FAM78B: variants seen among roughly 807,000 people sequenced by gnomAD.
FAM78B encodes the protein family with sequence similarity 78 member B, also known as protein FAM78B.
A neutral mutation model predicts 20.0 loss-of-function variants in FAM78B; 10 were observed. That is an observed-to-expected ratio of 0.50 (90% CI 0.31 to 0.85). FAM78B has a LOEUF of 0.85. Ranked by LOEUF, FAM78B falls within the 40% of genes least tolerant of loss-of-function variation. FAM78B has a pLI of 0.05. For missense variants in FAM78B, 283 were observed against 345.0 expected (o/e 0.82, Z 1.42); for synonymous variants, 135 against 132.8 (o/e 1.02, Z -0.12).
chr1:166,126,904 T>C (rs1387637301), intron 1 of FAM78B, among the ~76,000 whole-genome samples: 1 of 152,170 alleles, frequency 6.6e-6, no homozygotes, highest in East Asian at 1.9e-4. Flanking sequence ...CGCTAACACA[T>C]GGAAACCAAG....
At chr1:166,060,767 T>C in intron 2 of FAM78B, 2 of 656,940 alleles carry the variant, frequency 3.0e-6, no homozygotes. Context: ...GCTCCATTAA[T>C]AGATTTCAAG....
intron 1 of FAM78B, among the ~76,000 whole-genome samples, chr1:166,134,878 A>T (rs1193783027): frequency 2.6e-5 from 4 of 152,172 alleles, no homozygotes; most frequent in African/African-American, 9.7e-5. Context: ...AGGAGTAATG[A>T]TTTTCACACA....
chr1:166,088,327 T>C (rs61835093), intron 1 of FAM78B, among the ~76,000 whole-genome samples: 10,518 of 152,232 alleles, frequency 0.069, 443 homozygotes, highest in South Asian at 0.14. Flanking sequence ...AACACCAGTG[T>C]CATCCCTGCA....
Position 166,070,484 on chromosome 1 carries a change from C to T in FAM78B, c.543G>A (p.Lys181=), listed in dbSNP as rs1187098258. The change falls in exon 2 of 2, where the codon AAG becomes AAA. Residue 181 remains lysine, a synonymous_variant. Coordinates refer to ENST00000354422, the MANE Select transcript of FAM78B (RefSeq NM_001017961.5). ...TGATGGTCTGCAGAATGATCTTCTC[C>T]TTTGTGGTGGTGTTCATGGCCACCA... ...TWLVAMNTTT[K]EKIILQTIKW... 1.2e-6 allele frequency: 2 copies of T among 1,614,064 alleles called. No individual in the cohort carries two copies. Among genetic ancestry groups the T allele is most frequent in the African/African-American group, 2.7e-5 (2 of 74,934 alleles).
chr1:166,134,308 AG>A (rs1654990938), intron 1 of FAM78B, among the ~76,000 whole-genome samples: 1 of 149,984 alleles, frequency 6.7e-6, no homozygotes, highest in Admixed American at 6.8e-5. Flanking sequence ...GGGCCTTGGA[AG>A]GCATTTAATC....
At chr1:166,148,201 T>C (rs1655536944) in intron 1 of FAM78B, among the ~76,000 whole-genome samples, 1 of 152,232 alleles carries the variant, frequency 6.6e-6, no homozygotes, top group South Asian at 2.1e-4. Flanking sequence ...TTAAGGAGTG[T>C]CTTATGGCTA....
intron 1 of FAM78B, among the ~76,000 whole-genome samples, chr1:166,136,623 G>C (rs1354578898): frequency 1.3e-5 from 2 of 152,156 alleles, no homozygotes; most frequent in African/African-American, 4.8e-5. Context: ...AGATGAACAA[G>C]TAAATGGAAA....
At chr1:166,150,711 T>C (rs1177026962) in intron 1 of FAM78B, among the ~76,000 whole-genome samples, 2 of 152,132 alleles carry the variant, frequency 1.3e-5, no homozygotes, top group African/African-American at 4.8e-5. Flanking sequence ...ACATAAAAAT[T>C]ACCAAGAATA....
In FAM78B at chr1:166,109,814, G is replaced by GTATATATA. The variant is rs201957585; in HGVS notation, c.264-39059_264-39052dup. 7.1e-4 allele frequency among the ~76,000 whole-genome samples: 23 copies of GTATATATA among 32,620 alleles called. 1 individual carries two copies. Among genetic ancestry groups the GTATATATA allele is most frequent in the Non-Finnish European group, 1.0e-3 (14 of 14,040 alleles). The allele number at this position is 32,620 out of a possible 152,430, so 21.4% of individuals were successfully genotyped here. Reference sequence around the variant, plus strand: ...GAAACTGTGATATATATGTATATATGTATATATATATATATATGTATATAT... The same window carrying GTATATATA: ...GAAACTGTGATATATATGTATATATGTATATATATATATATATATATATATGTATATAT... On this transcript the variant is annotated intron_variant, in intron 1 of 1. Coordinates refer to ENST00000354422, the MANE Select transcript of FAM78B (RefSeq NM_001017961.5).
chr1:166,121,736 T>C (rs1211963573), intron 1 of FAM78B, among the ~76,000 whole-genome samples: 2 of 152,188 alleles, frequency 1.3e-5, no homozygotes, highest in East Asian at 3.9e-4. Flanking sequence ...ATGAGGTAGG[T>C]ACTATTACTA....
At chr1:166,124,321 C>G (rs1008859003) in intron 1 of FAM78B, among the ~76,000 whole-genome samples, 1 of 152,208 alleles carries the variant, frequency 6.6e-6, no homozygotes, top group Non-Finnish European at 1.5e-5. Context: ...TCTCAGCACA[C>G]CTGTGTGTCT....
intron 1 of FAM78B, among the ~76,000 whole-genome samples, chr1:166,153,284 A>C (rs1313233125): frequency 6.6e-6 from 1 of 152,176 alleles, no homozygotes; most frequent in Non-Finnish European, 1.5e-5. Context: ...GGAGTCAATG[A>C]GAAGTGGGGG....
chr1:166,103,799 T>C (rs1277982964), intron 1 of FAM78B, among the ~76,000 whole-genome samples: 1 of 152,152 alleles, frequency 6.6e-6, no homozygotes, highest in African/African-American at 2.4e-5. Context: ...TACCATTCCT[T>C]CTGAAACTAT....
intron 1 of FAM78B, among the ~76,000 whole-genome samples, chr1:166,114,274 A>G (rs10753710): frequency 0.19 from 29,647 of 152,194 alleles, 3,281 homozygotes; most frequent in East Asian, 0.37. Flanking sequence ...TAGAGGTTGG[A>G]AAACTGAGGC....
rs868339296 is a variant in FAM78B at position 166,166,880 on chromosome 1, A to C, written c.-632T>G. On this transcript the variant is annotated 5_prime_UTR_variant, in exon 1 of 2. Transcript: ENST00000354422. ...CCCGCCCCGTAGCCGGACCACACCG[A>C]CACTCCTCGGCCCGGCTGCCTCGGC... The C allele has an allele frequency of 3.3e-3, 507 of 151,950 alleles. 3 individuals carry two copies. The highest frequency in any genetic ancestry group is 0.012 in the African/African-American group (481 of 41,392). 9.4% of individuals were successfully genotyped at this position (151,950 alleles called of 1,614,324 possible).
At chr1:166,140,062 C>A (rs535502794) in intron 1 of FAM78B, among the ~76,000 whole-genome samples, 1 of 152,202 alleles carries the variant, frequency 6.6e-6, no homozygotes, top group African/African-American at 2.4e-5. Context: ...TGAGCAGGAA[C>A]GAGCTTAGAG....
At chr1:166,136,403 C>T (rs1337420232) in intron 1 of FAM78B, among the ~76,000 whole-genome samples, 1 of 152,122 alleles carries the variant, frequency 6.6e-6, no homozygotes, top group Non-Finnish European at 1.5e-5. Flanking sequence ...TGACTTCTAG[C>T]TGTGTGCTGG....
At chr1:166,099,947 G>A (rs183985348) in intron 1 of FAM78B, among the ~76,000 whole-genome samples, 20 of 152,184 alleles carry the variant, frequency 1.3e-4, no homozygotes, top group East Asian at 3.9e-4. Context: ...TACAACAGCC[G>A]CAGAATACAG....
intron 1 of FAM78B, among the ~76,000 whole-genome samples, chr1:166,092,668 C>G (rs1653123580): frequency 6.6e-6 from 1 of 152,152 alleles, no homozygotes; most frequent in African/African-American, 2.4e-5. Context: ...CCCCTGTGAC[C>G]CGAGGGCGTG....
Sources: gnomAD v4.1 joint callset for allele counts (sites outside exome capture counted in the v4.1 genomes callset) on GRCh38, gnomAD v4.1.1 for gene constraint, MANE v1.5 for transcripts, NCBI Gene and HGNC (gene_info 2026-07-23, HGNC 2026-07-21) for gene names.